Variants in ENSA observed in about 807,000 individuals in gnomAD.
ENSA encodes endosulfine alpha.
A neutral mutation model predicts 16.8 loss-of-function variants in ENSA; 7 were observed. The ratio of observed to expected loss-of-function variants is 0.42; its 90% CI spans 0.24 to 0.78. The LOEUF is 0.78. Among genes scored for constraint, ENSA ranks in the 30% least tolerant of loss-of-function variants. ENSA has a pLI of 0.29. For synonymous variants in ENSA, 58 were observed against 53.4 expected, an observed-to-expected ratio of 1.09 and a Z score of -0.37; for missense variants, 87 against 142.3, an observed-to-expected ratio of 0.61 and a Z score of 1.98.
intron 1 of ENSA, 63 bp from the exon 2 acceptor site, chr1:150,627,655 A>G: frequency 2.6e-6 from 4 of 1,525,904 alleles, no homozygotes; most frequent in Non-Finnish European, 3.5e-6. Flanking sequence ...CTCACATCTG[A>G]TAACAACTAT....
At chr1:150,623,814 T>C in intron 3 of ENSA, 9 of 985,738 alleles carry the variant, frequency 9.1e-6, no homozygotes, top group South Asian at 9.4e-5. Context: ...GTCAAGGAGT[T>C]TGGGGACCAG....
At chr1:150,627,151 T>G in intron 2 of ENSA, 1 of 1,476,072 alleles carries the variant, frequency 6.8e-7, no homozygotes, top group Non-Finnish European at 8.9e-7. Flanking sequence ...TGCACAATCC[T>G]AAAACCTCCA....
intron 3 of ENSA, chr1:150,625,009 G>A (rs1571009239): frequency 1.0e-6 from 1 of 985,432 alleles, no homozygotes; most frequent in Non-Finnish European, 1.2e-6. Context: ...GAGAGAGAAG[G>A]TGCCCATTTT....
chr1:150,625,352 T>A (rs587650788), intron 3 of ENSA: 3 of 1,098,850 alleles, frequency 2.7e-6, no homozygotes, highest in Admixed American at 5.1e-5. Context: ...ATCACATCTC[T>A]CCAGTTTCTC....
chr1:150,623,986 C>T (rs1306820698), intron 3 of ENSA: 3 of 985,250 alleles, frequency 3.0e-6, no homozygotes, highest in Non-Finnish European at 3.6e-6. Context: ...TCTCATTGGG[C>T]CAAATGTTTG....
rs1467088791 is a variant in ENSA, at chr1:150,628,359, CAGAG to C, written c.58-771_58-768del. 7.9e-5 allele frequency among the ~76,000 whole-genome samples: 12 copies of C among 152,208 alleles called. No homozygotes were observed. In the South Asian group the frequency reaches 2.1e-3, roughly 26 times the overall value. On this transcript the variant is annotated intron_variant, in intron 1 of 3. Transcript: ENST00000369014. ...AATATTATGGTAGCAAGCTGATAAA[CAGAG>C]AGGAAAATGATACTGTTTTTAACCT...
At chr1:150,626,407 A>AAATCAGC in intron 2 of ENSA, 1 of 1,480,776 alleles carries the variant, frequency 6.8e-7, no homozygotes, top group Non-Finnish European at 9.4e-7. Flanking sequence ...AGGTAAATGC[A>AAATCAGC]AATCAGCATC....
intron 3 of ENSA, chr1:150,623,969 C>G: frequency 1.0e-6 from 1 of 985,400 alleles, no homozygotes; most frequent in Non-Finnish European, 1.2e-6. Context: ...GCAAGTCTAT[C>G]AGTCATTCTC....
chr1:150,626,497 A>T, intron 2 of ENSA: 1 of 1,613,800 alleles, frequency 6.2e-7, no homozygotes, highest in Non-Finnish European at 8.5e-7. Context: ...CCGCACAGAG[A>T]AGCACACTCC....
At chr1:150,627,193 C>G in intron 2 of ENSA, 2 of 1,493,572 alleles carry the variant, frequency 1.3e-6, no homozygotes, top group Middle Eastern at 2.3e-4. Flanking sequence ...TGGGGGCAGT[C>G]TGCATTTCAG....
rs1184485385 is a variant in ENSA, at chr1:150,627,458, GC to G, written c.183+8del. The stretch of plus-strand genomic sequence containing the variant: ...CCAAAGAAAGAGGGTAAGAGACTAT[GC>G]CCCATACCCCTTTCTGGAGTCTCTT... On this transcript the variant is annotated splice_region_variant and intron_variant, in intron 2 of 3. Coordinates refer to ENST00000369014, the MANE Select transcript of ENSA (RefSeq NM_004436.4). 2 of 1,614,222 alleles carry G rather than the reference GC, an allele frequency of 1.2e-6. No homozygotes were observed. Among genetic ancestry groups the G allele is most frequent in the East Asian group, 4.5e-5 (2 of 44,882 alleles).
Position 150,629,544 on chromosome 1 carries a change from G to A in ENSA, c.-74C>T, listed in dbSNP as rs587594909. 155 of 1,558,162 alleles carry A rather than the reference G, an allele frequency of 9.9e-5. No homozygotes were observed. Among genetic ancestry groups the A allele is most frequent in the Non-Finnish European group, 1.2e-4 (143 of 1,145,978 alleles). ...GAAGGGAAGGGGGAGGGGAAACGGG[G>A]ACAACCTGCGCTGCTGCTTCGGCTC... On this transcript the variant is annotated 5_prime_UTR_variant, in exon 1 of 4. Transcript: ENST00000369014.
Position 150,625,739 on chromosome 1 carries a change from C to T in ENSA, c.253G>A (p.Ala85Thr), listed in dbSNP as rs1649262296. ...AKMKNKQLPS[A>T]GPDKNLVTGD... ...GTCACCAGGTTCTTGTCTGGTCCTG[C>T]ACTTGGCAGCTGCTTATTCTTCATC... Residue 85 changes from alanine (A) to threonine (T), a missense_variant, in exon 3 of 4, where the codon GCA (alanine) becomes ACA (threonine). Ala to Thr is a moderately conservative substitution (Grantham distance 58). Transcript: ENST00000369014. 3 of 1,612,252 alleles carry T rather than the reference C, an allele frequency of 1.9e-6. No individual in the cohort carries two copies. The highest frequency in any genetic ancestry group is 1.3e-5 in the African/African-American group (1 of 74,962).
chr1:150,626,375 C>T (rs1464374921), intron 2 of ENSA: 27 of 1,092,958 alleles, frequency 2.5e-5, no homozygotes, highest in Non-Finnish European at 3.7e-5. Context: ...ACAGCCTGCC[C>T]ACGCCTGCCT....
rs959203096 is a variant in ENSA, at chr1:150,622,149, G to A, written c.*695C>T. 1.3e-5 allele frequency: 2 copies of A among 152,184 alleles called. No homozygotes were observed. Among genetic ancestry groups the A allele is most frequent in the African/African-American group, 4.8e-5 (2 of 41,442 alleles). 9.4% of individuals were successfully genotyped at this position (152,184 alleles called of 1,614,324 possible). A position where few individuals can be genotyped will look rare whatever the true frequency, so the allele number is the denominator to read the frequency against. On this transcript the variant is annotated 3_prime_UTR_variant, in exon 4 of 4. Coordinates refer to ENST00000369014, the MANE Select transcript of ENSA (RefSeq NM_004436.4). ...ATTTCTGGGTTGGGTTTTTTCATGG[G>A]TTTTTGTTTTGTTTATTTCGAATAC...
At chr1:150,625,233 A>G in intron 3 of ENSA, 1 of 989,770 alleles carries the variant, frequency 1.0e-6, no homozygotes, top group South Asian at 4.7e-5. Flanking sequence ...TGTCTCATTC[A>G]ATCTACCTTT....
intron 1 of ENSA, 160 bp downstream of exon 1, chr1:150,629,254 C>T: frequency 6.6e-7 from 1 of 1,515,320 alleles, no homozygotes. Context: ...TAACCAGCGC[C>T]AAAGCAGCAT....
chr1:150,626,492 C>A (rs1348208286), intron 2 of ENSA: 1 of 1,613,704 alleles, frequency 6.2e-7, no homozygotes, highest in Non-Finnish European at 8.5e-7. Context: ...TTCATCCGCA[C>A]AGAGAAGCAC....
chr1:150,626,786 C>T lies in ENSA; in HGVS notation c.183+681G>A, dbSNP rs587630064. Among the ~76,000 whole-genome samples, 20 of 152,266 alleles carry T rather than the reference C, an allele frequency of 1.3e-4. No individual in the cohort carries two copies. The East Asian group carries it at 3.1e-3, about 24-fold the overall frequency. On this transcript the variant is annotated intron_variant, in intron 2 of 3. Coordinates refer to ENST00000369014, the MANE Select transcript of ENSA (RefSeq NM_004436.4). ...GTCTCGATCTCCTGACCTCGTGCTCCGCCCGCCTCGGCCTCCCAAAGTGCT... is the reference window on the plus strand; with the variant it reads ...GTCTCGATCTCCTGACCTCGTGCTCTGCCCGCCTCGGCCTCCCAAAGTGCT...
Sources: gnomAD v4.1 joint callset for allele counts (sites outside exome capture counted in the v4.1 genomes callset) on GRCh38, gnomAD v4.1.1 for gene constraint, MANE v1.5 for transcripts, NCBI Gene and HGNC (gene_info 2026-07-23, HGNC 2026-07-21) for gene names.